Variants in CD2AP observed in about 807,000 individuals in gnomAD.
The protein encoded by CD2AP is CD2-associated protein.
In CD2AP, 46 loss-of-function variants were observed where a neutral mutation model predicts 85.1. The ratio of observed to expected loss-of-function variants is 0.54; its 90% CI spans 0.43 to 0.69. CD2AP has a LOEUF of 0.69. CD2AP is among the 30% of genes least tolerant of loss of function. CD2AP has a pLI of 0.00. For missense variants in CD2AP, 769 were observed against 729.5 expected (o/e 1.05, Z -0.62); for synonymous variants, 255 against 252.9 (o/e 1.01, Z -0.08).
intron 1 of CD2AP, among the ~76,000 whole-genome samples, chr6:47,501,213 C>G (rs888658287): frequency 5.3e-5 from 8 of 152,150 alleles, no homozygotes; most frequent in African/African-American, 1.9e-4. Context: ...ATAGCCAGAC[C>G]CCATCTCTAT....
At chr6:47,492,731 C>A (rs1318226105) in intron 1 of CD2AP, among the ~76,000 whole-genome samples, 1 of 152,004 alleles carries the variant, frequency 6.6e-6, no homozygotes, top group African/African-American at 2.4e-5. Flanking sequence ...TAATCTGGGC[C>A]TTCTGTTTTT....
At chr6:47,569,938 A>G (rs1244172820) in intron 5 of CD2AP, among the ~76,000 whole-genome samples, 1 of 152,118 alleles carries the variant, frequency 6.6e-6, no homozygotes, top group Non-Finnish European at 1.5e-5. Context: ...GGATCTTTCT[A>G]AGTTATTGCT....
At chr6:47,515,535 A>G (rs1041747317) in intron 2 of CD2AP, among the ~76,000 whole-genome samples, 12 of 152,260 alleles carry the variant, frequency 7.9e-5, no homozygotes, top group Admixed American at 4.6e-4. Flanking sequence ...CTTGCTGGTA[A>G]TATGGGCTAA....
chr6:47,545,559 G>T (rs1256771919), intron 4 of CD2AP, among the ~76,000 whole-genome samples: 1 of 152,102 alleles, frequency 6.6e-6, no homozygotes, highest in East Asian at 1.9e-4. Flanking sequence ...CAAAAATAGT[G>T]CATTAAACAG....
chr6:47,527,373 T>C (rs1460391272), intron 2 of CD2AP, among the ~76,000 whole-genome samples: 1 of 152,172 alleles, frequency 6.6e-6, no homozygotes, highest in African/African-American at 2.4e-5. Context: ...AAATTTCTTA[T>C]ATCCAAGAGA....
At chr6:47,515,130 G>A (rs1328489602) in intron 2 of CD2AP, among the ~76,000 whole-genome samples, 1 of 152,048 alleles carries the variant, frequency 6.6e-6, no homozygotes, top group Non-Finnish European at 1.5e-5. Flanking sequence ...TGTAGGTCTG[G>A]CAAAGGTATT....
At chr6:47,589,030 C>G (rs1450867443) in intron 11 of CD2AP, among the ~76,000 whole-genome samples, 1 of 151,984 alleles carries the variant, frequency 6.6e-6, no homozygotes, top group African/African-American at 2.4e-5. Flanking sequence ...TAGGATCTAT[C>G]ATAAGGAATG....
At chr6:47,479,666 A>G (rs1413456480) in intron 1 of CD2AP, among the ~76,000 whole-genome samples, 1 of 152,242 alleles carries the variant, frequency 6.6e-6, no homozygotes, top group Non-Finnish European at 1.5e-5. Flanking sequence ...AGATAATACT[A>G]AAGTTAATTA....
At chr6:47,564,683 G>A (rs1019598508) in intron 5 of CD2AP, among the ~76,000 whole-genome samples, 1 of 151,792 alleles carries the variant, frequency 6.6e-6, no homozygotes, top group Admixed American at 6.6e-5. Context: ...GCATATTGTT[G>A]TGAATGCCAG....
intron 8 of CD2AP, among the ~76,000 whole-genome samples, chr6:47,578,208 AAG>A (rs892707325): frequency 2.6e-5 from 4 of 152,036 alleles, no homozygotes; most frequent in Non-Finnish European, 5.9e-5. Flanking sequence ...AAAAAAGAAA[AAG>A]AAAAATTAAA....
At chr6:47,607,879 T>C in intron 14 of CD2AP, 48 bp from the exon 15 acceptor site, 1 of 1,270,452 alleles carries the variant, frequency 7.9e-7, no homozygotes, top group East Asian at 2.3e-5. Context: ...TACTACCTTT[T>C]CTTTTCTTTG....
At chr6:47,579,084 T>C (rs568021510) in intron 8 of CD2AP, among the ~76,000 whole-genome samples, 1 of 152,206 alleles carries the variant, frequency 6.6e-6, no homozygotes, top group African/African-American at 2.4e-5. Context: ...GTGGGAAATA[T>C]TTTCTTTTAG....
intron 5 of CD2AP, among the ~76,000 whole-genome samples, chr6:47,561,720 TA>T (rs1486678671): frequency 2.6e-5 from 4 of 152,246 alleles, no homozygotes; most frequent in Admixed American, 6.5e-5. Flanking sequence ...ATTTTATTTC[TA>T]AGCCCATTGA....
intron 1 of CD2AP, among the ~76,000 whole-genome samples, chr6:47,491,295 G>C (rs546870667): frequency 2.2e-3 from 298 of 138,150 alleles, no homozygotes; most frequent in African/African-American, 7.5e-3. Context: ...GTGTGTGTGT[G>C]TGTGTGTGTA....
At chr6:47,575,291 ATT>A (rs1363179386) in intron 6 of CD2AP, among the ~76,000 whole-genome samples, 3 of 152,226 alleles carry the variant, frequency 2.0e-5, no homozygotes, top group Non-Finnish European at 4.4e-5. Context: ...AATTCTTGGC[ATT>A]GTGATAGAAA....
intron 2 of CD2AP, among the ~76,000 whole-genome samples, chr6:47,516,953 G>A (rs1766465775): frequency 6.6e-6 from 1 of 152,198 alleles, no homozygotes; most frequent in African/African-American, 2.4e-5. Flanking sequence ...GCTGGTAGTT[G>A]TCCCCTCCAA....
rs114237509 is a variant in CD2AP, at chr6:47,497,619, G to T, written c.5-5661G>T. ...TTGTAGAGATGGGGGTTGCCATGTT[G>T]CCCAGGCTGGTCTTGAACTCCTGGG... On this transcript the variant is annotated intron_variant, in intron 1 of 17. Transcript: ENST00000359314. 6.7e-3 allele frequency among the ~76,000 whole-genome samples: 1,023 copies of T among 152,136 alleles called. 11 individuals are homozygous for T. Among genetic ancestry groups the T allele is most frequent in the African/African-American group, 0.023 (947 of 41,500 alleles).
rs370972520 is a variant in CD2AP, at chr6:47,592,951, A to G, written c.1109-2910A>G. Among the ~76,000 whole-genome samples the G allele has an allele frequency of 1.5e-3, 234 of 152,236 alleles. 1 individual carries two copies. Among genetic ancestry groups the G allele is most frequent in the African/African-American group, 5.3e-3 (220 of 41,566 alleles). Reference sequence around the variant, plus strand: ...CAAGGAGTGATCATGGGAATCCCCAATTTATAGCCAATTGATCAGAAGTAC... The same window carrying G: ...CAAGGAGTGATCATGGGAATCCCCAGTTTATAGCCAATTGATCAGAAGTAC... On this transcript the variant is annotated intron_variant, in intron 11 of 17. Coordinates refer to ENST00000359314, the MANE Select transcript of CD2AP (RefSeq NM_012120.3).
chr6:47,484,116 A>G (rs1352836850), intron 1 of CD2AP, among the ~76,000 whole-genome samples: 1 of 150,722 alleles, frequency 6.6e-6, no homozygotes, highest in African/African-American at 2.4e-5. Flanking sequence ...ACTCCCTCAT[A>G]CTCCTCCCAG....
Sources: gnomAD v4.1 joint callset for allele counts (sites outside exome capture counted in the v4.1 genomes callset) on GRCh38, gnomAD v4.1.1 for gene constraint, MANE v1.5 for transcripts, NCBI Gene and HGNC (gene_info 2026-07-23, HGNC 2026-07-21) for gene names.